AFG1L: variants seen among roughly 807,000 people sequenced by gnomAD.
The protein encoded by AFG1L is AFG1-like ATPase.
Under a neutral mutation model 62.2 loss-of-function variants are expected in AFG1L, and 53 were observed. The ratio of observed to expected loss-of-function variants is 0.85; its 90% CI spans 0.68 to 1.07. AFG1L has a LOEUF of 1.07. Among genes scored for constraint, AFG1L ranks in the 50% least tolerant of loss-of-function variants. AFG1L has a pLI of 0.00. For missense variants in AFG1L, 555 were observed against 590.5 expected, an observed-to-expected ratio of 0.94 and a Z score of 0.62; for synonymous variants, 228 against 210.3, an observed-to-expected ratio of 1.08 and a Z score of -0.73.
In AFG1L at chr6:108,523,838, T is replaced by C. The variant is rs1297451638; in HGVS notation, c.*1413T>C. On this transcript the variant is annotated 3_prime_UTR_variant, in exon 13 of 13. Coordinates refer to ENST00000368977, the MANE Select transcript of AFG1L (RefSeq NM_145315.5). ...AATCAAGCCTTCTGTAAATAAAATG[T>C]GGTTTAAAGATATTTTTATTGAAGT... 6.6e-6 allele frequency: 1 copy of C among 152,088 alleles called. No homozygotes were observed. The highest frequency in any genetic ancestry group is 2.4e-5 in the African/African-American group (1 of 41,410). The allele number at this position is 152,088 out of a possible 1,614,324, so 9.4% of individuals were successfully genotyped here.
At chr6:108,460,885 A>G (rs1772436688) in intron 8 of AFG1L, among the ~76,000 whole-genome samples, 2 of 152,130 alleles carry the variant, frequency 1.3e-5, no homozygotes. Context: ...TGAACCTGGA[A>G]GGCGGAGCTT....
Position 108,322,073 on chromosome 6 carries a change from A to T in AFG1L, c.140-1752A>T, listed in dbSNP as rs546446264. Among the ~76,000 whole-genome samples, 8 of 152,160 alleles carry T rather than the reference A, an allele frequency of 5.3e-5. No homozygotes were observed. The East Asian group carries it at 1.2e-3, about 22-fold the overall frequency. Reference sequence around the variant, plus strand: ...GGCTAATTAAAAACAAATTTTTTTTAAATTTGTTATTTTTAGTAGAGATGA... The same window carrying T: ...GGCTAATTAAAAACAAATTTTTTTTTAATTTGTTATTTTTAGTAGAGATGA... On this transcript the variant is annotated intron_variant, in intron 1 of 12. Transcript: ENST00000368977.
At chr6:108,384,348 C>T (rs1780675099) in intron 6 of AFG1L, among the ~76,000 whole-genome samples, 1 of 152,198 alleles carries the variant, frequency 6.6e-6, no homozygotes, top group South Asian at 2.1e-4. Flanking sequence ...GCCCAAATCT[C>T]AGACTGACTT....
At chr6:108,332,844 C>G (rs1778327228) in intron 2 of AFG1L, among the ~76,000 whole-genome samples, 1 of 152,134 alleles carries the variant, frequency 6.6e-6, no homozygotes, top group Non-Finnish European at 1.5e-5. Context: ...TGGCCTCAAG[C>G]AATTCACCTG....
At chr6:108,444,366 C>T (rs993560270) in intron 7 of AFG1L, among the ~76,000 whole-genome samples, 4 of 152,150 alleles carry the variant, frequency 2.6e-5, no homozygotes, top group Non-Finnish European at 2.9e-5. Flanking sequence ...GGTCTTGCCT[C>T]GATGTTGATG....
At chr6:108,512,661 C>T (rs1774700166) in intron 11 of AFG1L, among the ~76,000 whole-genome samples, 1 of 152,106 alleles carries the variant, frequency 6.6e-6, no homozygotes, top group Admixed American at 6.5e-5. Context: ...AGCTTATGGT[C>T]CCCATCCCTC....
rs1774589820 is a variant in AFG1L, at chr6:108,510,199, C to G, written c.1063-13C>G. On this transcript the variant is annotated splice_polypyrimidine_tract_variant and intron_variant, in intron 10 of 12. Coordinates refer to ENST00000368977, the MANE Select transcript of AFG1L (RefSeq NM_145315.5). ...TTTATTTTTAAGTTTTCTTTTATTT[C>G]ATTTTATCATAGCCACTTGGAGCCA... 7 of 1,583,774 alleles carry G rather than the reference C, an allele frequency of 4.4e-6. No individual in the cohort carries two copies. The highest frequency in any genetic ancestry group is 5.1e-6 in the Non-Finnish European group (6 of 1,169,462).
Position 108,441,701 on chromosome 6 carries a change from T to A in AFG1L, c.808-5513T>A, listed in dbSNP as rs1219102060. 9.2e-5 allele frequency among the ~76,000 whole-genome samples: 13 copies of A among 141,790 alleles called. No individual in the cohort carries two copies. In the South Asian group the frequency reaches 1.1e-3, roughly 12 times the overall value. 93.0% of individuals were successfully genotyped at this position (141,790 alleles called of 152,430 possible). A position where few individuals can be genotyped will look rare whatever the true frequency, so the allele number is the denominator to read the frequency against. ...GAAATCTGAAAATCTGAGGTTTATTTAAAAAAAAAAAATATATATATATAT... is the reference window on the plus strand; with the variant it reads ...GAAATCTGAAAATCTGAGGTTTATTAAAAAAAAAAAAATATATATATATAT... On this transcript the variant is annotated intron_variant, in intron 7 of 12. Transcript: ENST00000368977.
At chr6:108,467,919 T>C (rs1772736255) in intron 8 of AFG1L, among the ~76,000 whole-genome samples, 1 of 152,242 alleles carries the variant, frequency 6.6e-6, no homozygotes, top group Admixed American at 6.5e-5. Context: ...AGCTTTCCTC[T>C]GGTTATTCAT....
chr6:108,295,140 G>A lies in AFG1L; in HGVS notation c.61G>A (p.Gly21Arg). The A allele has an allele frequency of 6.2e-7, 1 of 1,611,028 alleles. No individual in the cohort carries two copies. Among genetic ancestry groups the A allele is most frequent in the Non-Finnish European group, 8.5e-7 (1 of 1,179,992 alleles). ...LRPLAQSPLR[G>R]RCVGCGAWAA... ...CCCCTTAGCACAGAGCCCGCTGAGA[G>A]GGAGATGTGTTGGGTGCGGGGCCTG... is the stretch of plus-strand genomic sequence containing the variant. Residue 21 changes from glycine (G) to arginine (R), a missense_variant, in exon 1 of 13, where the codon GGG (glycine) becomes AGG (arginine). Transcript: ENST00000368977.
intron 5 of AFG1L, among the ~76,000 whole-genome samples, chr6:108,358,052 G>A (rs1779366395): frequency 6.6e-6 from 1 of 152,144 alleles, no homozygotes; most frequent in African/African-American, 2.4e-5. Flanking sequence ...AAGGCTTTAT[G>A]GAAAAGAACA....
chr6:108,305,880 G>C (rs1024315036), intron 1 of AFG1L, among the ~76,000 whole-genome samples: 1 of 152,186 alleles, frequency 6.6e-6, no homozygotes, highest in Non-Finnish European at 1.5e-5. Context: ...TGTACAGTGA[G>C]ATCTAAAGAT....
At chr6:108,446,838 G>T (rs1771827731) in intron 7 of AFG1L, among the ~76,000 whole-genome samples, 1 of 151,826 alleles carries the variant, frequency 6.6e-6, no homozygotes, top group African/African-American at 2.4e-5. Context: ...CCCTCCTGTG[G>T]TGCTTAAGAC....
At chr6:108,401,250 C>T (rs1781595349) in intron 6 of AFG1L, among the ~76,000 whole-genome samples, 1 of 150,934 alleles carries the variant, frequency 6.6e-6, no homozygotes, top group Non-Finnish European at 1.5e-5. Context: ...TCACGCCATT[C>T]TCCTGCCTCA....
intron 6 of AFG1L, among the ~76,000 whole-genome samples, chr6:108,367,289 A>G (rs1404652269): frequency 6.6e-6 from 1 of 152,134 alleles, no homozygotes; most frequent in Non-Finnish European, 1.5e-5. Context: ...TCTTAGAATG[A>G]ACATTGGATG....
At chr6:108,400,550 A>G (rs1275523029) in intron 6 of AFG1L, among the ~76,000 whole-genome samples, 1 of 140,052 alleles carries the variant, frequency 7.1e-6, no homozygotes, top group African/African-American at 2.6e-5. Context: ...TATAATTTGC[A>G]TTATATATTT....
chr6:108,510,589 A>T (rs530713313), intron 11 of AFG1L, among the ~76,000 whole-genome samples: 1 of 152,376 alleles, frequency 6.6e-6, no homozygotes, highest in South Asian at 2.1e-4. Flanking sequence ...TGAATGCTGT[A>T]TAAGCACTAT....
chr6:108,309,834 T>C (rs2114836139), intron 1 of AFG1L, among the ~76,000 whole-genome samples: 1 of 152,326 alleles, frequency 6.6e-6, no homozygotes, highest in South Asian at 2.1e-4. Context: ...ATATGTTGAT[T>C]ACATGCCAAT....
chr6:108,519,680 AT>A lies in AFG1L; in HGVS notation c.1204-13del. ...AATGTAAAGAGTAACACATTTACCC[AT>A]TTTCTTCTATTTCAGGTGCGTATAA... is the stretch of plus-strand genomic sequence containing the variant. On this transcript the variant is annotated splice_polypyrimidine_tract_variant and intron_variant, in intron 11 of 12. Transcript: ENST00000368977. 7.4e-7 allele frequency: 1 copy of A among 1,358,992 alleles called. No homozygotes were observed. The highest frequency in any genetic ancestry group is 1.0e-6 in the Non-Finnish European group (1 of 959,186). The allele number at this position is 1,358,992 out of a possible 1,614,324, so 84.2% of individuals were successfully genotyped here. A position where few individuals can be genotyped will look rare whatever the true frequency, so the allele number is the denominator to read the frequency against.
Sources: allele counts gnomAD v4.1 joint callset (sites outside exome capture counted in the v4.1 genomes callset), GRCh38; gene constraint gnomAD v4.1.1; transcripts MANE v1.5; gene names NCBI Gene and HGNC (gene_info 2026-07-23, HGNC 2026-07-21).